CCDC181: variants seen among roughly 807,000 people sequenced by gnomAD.
CCDC181 encodes the protein coiled-coil domain containing 181, also known as coiled-coil domain-containing protein 181.
Under a neutral mutation model 58.7 loss-of-function variants are expected in CCDC181, and 35 were observed. The observed-to-expected ratio is 0.60, with a 90% CI of 0.46 to 0.79. The LOEUF (loss-of-function observed/expected upper bound fraction) is 0.79. CCDC181 is among the 30% of genes least tolerant of loss of function. CCDC181 has a pLI of 0.00. For missense variants in CCDC181, 517 were observed against 583.9 expected (o/e 0.89, Z 1.18); for synonymous variants, 183 against 197.5 (o/e 0.93, Z 0.62).
At chr1:169,423,063 T>TTATA (rs146513568) in intron 2 of CCDC181, among the ~76,000 whole-genome samples, 22 of 34,482 alleles carry the variant, frequency 6.4e-4, no homozygotes, top group Non-Finnish European at 1.4e-3. Context: ...TATAAATATT[T>TTATA]TATATATATA....
chr1:169,409,120 G>T (rs1469375809), intron 4 of CCDC181, among the ~76,000 whole-genome samples: 1 of 152,198 alleles, frequency 6.6e-6, no homozygotes, highest in Non-Finnish European at 1.5e-5. Context: ...CTAACACAAT[G>T]CAAGGAAGCT....
chr1:169,457,824 C>T (rs1458875812), intron 2 of CCDC181, among the ~76,000 whole-genome samples: 1 of 152,078 alleles, frequency 6.6e-6, no homozygotes, highest in Non-Finnish European at 1.5e-5. Context: ...AAGTCAACAA[C>T]ACAAGTACCA....
chr1:169,428,925 T>C (rs1557874547), upstream of CCDC181, among the ~76,000 whole-genome samples: 1 of 152,150 alleles, frequency 6.6e-6, no homozygotes, highest in Non-Finnish European at 1.5e-5. Context: ...AACCAATATG[T>C]AGTTTTTTTA....
chr1:169,428,995 C>T (rs913820632), upstream of CCDC181, among the ~76,000 whole-genome samples: 16 of 152,154 alleles, frequency 1.1e-4, no homozygotes, highest in Admixed American at 9.2e-4. Context: ...ATCATCTTTA[C>T]GCCTTTGCAT....
chr1:169,444,800 C>T (rs1216138450), intron 2 of CCDC181, among the ~76,000 whole-genome samples: 1 of 152,076 alleles, frequency 6.6e-6, no homozygotes, highest in African/African-American at 2.4e-5. Context: ...TTGGCATTAG[C>T]AAATAATGAG....
chr1:169,429,160 T>G (rs1656831898), upstream of CCDC181, among the ~76,000 whole-genome samples: 1 of 152,218 alleles, frequency 6.6e-6, no homozygotes, highest in Non-Finnish European at 1.5e-5. Context: ...CTGAGTAGTA[T>G]TCCATGGTAT....
At chr1:169,410,936 C>T (rs1437498127) in intron 4 of CCDC181, among the ~76,000 whole-genome samples, 1 of 152,098 alleles carries the variant, frequency 6.6e-6, no homozygotes, top group Non-Finnish European at 1.5e-5. Flanking sequence ...CAGGAGAAAG[C>T]GGGAAACATC....
chr1:169,443,751 A>T (rs1657295124), intron 2 of CCDC181, among the ~76,000 whole-genome samples: 1 of 152,206 alleles, frequency 6.6e-6, no homozygotes, highest in Non-Finnish European at 1.5e-5. Flanking sequence ...GTATATAAAT[A>T]GTATTGATGA....
At chr1:169,437,941 G>T (rs771951961) in intron 2 of CCDC181, among the ~76,000 whole-genome samples, 1 of 152,160 alleles carries the variant, frequency 6.6e-6, no homozygotes, top group Non-Finnish European at 1.5e-5. Context: ...GAGACCAAAA[G>T]AAAGTATTTC....
At chr1:169,413,055 A>G (rs1031668142) in intron 4 of CCDC181, among the ~76,000 whole-genome samples, 6 of 152,250 alleles carry the variant, frequency 3.9e-5, no homozygotes, top group Non-Finnish European at 5.9e-5. Context: ...GCTTCTGCAC[A>G]GCAAAAGAAA....
intron 2 of CCDC181, among the ~76,000 whole-genome samples, chr1:169,445,942 G>A (rs1657361549): frequency 6.6e-6 from 1 of 152,034 alleles, no homozygotes; most frequent in Non-Finnish European, 1.5e-5. Context: ...CAATAGTCAT[G>A]ATTCCTCTCT....
At chr1:169,400,681 AT>A (rs1406954165) in intron 4 of CCDC181, among the ~76,000 whole-genome samples, 3 of 152,254 alleles carry the variant, frequency 2.0e-5, no homozygotes, top group Non-Finnish European at 4.4e-5. Flanking sequence ...ATTTAAAAAA[AT>A]AAACTGATAG....
intron 4 of CCDC181, among the ~76,000 whole-genome samples, chr1:169,411,879 CAAAAT>C (rs1357555974): frequency 6.6e-6 from 1 of 152,136 alleles, no homozygotes; most frequent in Non-Finnish European, 1.5e-5. Flanking sequence ...GCACGTATCT[CAAAAT>C]AATAAGAGCT....
At chr1:169,418,127 T>C (rs371780304) in intron 4 of CCDC181, among the ~76,000 whole-genome samples, 1 of 152,222 alleles carries the variant, frequency 6.6e-6, no homozygotes, top group East Asian at 1.9e-4. Context: ...CATTTCACTC[T>C]AAGCCTTCAA....
intron 3 of CCDC181, among the ~76,000 whole-genome samples, chr1:169,419,838 C>T (rs1332349140): frequency 1.3e-5 from 2 of 152,170 alleles, no homozygotes; most frequent in African/African-American, 4.8e-5. Flanking sequence ...AAAGAGAACA[C>T]TGAAATGATG....
chr1:169,457,247 C>T (rs1333079023), intron 2 of CCDC181, among the ~76,000 whole-genome samples: 1 of 152,110 alleles, frequency 6.6e-6, no homozygotes, highest in African/African-American at 2.4e-5. Context: ...TTGGGATACA[C>T]TCTGATTCCT....
chr1:169,442,285 G>A (rs989127610), intron 2 of CCDC181, among the ~76,000 whole-genome samples: 1 of 151,302 alleles, frequency 6.6e-6, no homozygotes, highest in Non-Finnish European at 1.5e-5. Flanking sequence ...TATATATTTG[G>A]AATATATCAG....
chr1:169,429,872 C>T (rs573273015), upstream of CCDC181, among the ~76,000 whole-genome samples: 3 of 152,078 alleles, frequency 2.0e-5, no homozygotes, highest in South Asian at 6.2e-4. Context: ...GTCATGAAGT[C>T]TTTGCCAACG....
At position 169,417,718 on chromosome 1, in the gene CCDC181, G is replaced by T. The variant is rs113217934; in HGVS notation, c.1215+1295C>A. 6.0e-4 allele frequency among the ~76,000 whole-genome samples: 91 copies of T among 152,232 alleles called. 1 individual carries two copies. The South Asian group carries it at 7.3e-3, about 12-fold the overall frequency. On this transcript the variant is annotated intron_variant, in intron 4 of 5. Coordinates refer to ENST00000367806, the MANE Select transcript of CCDC181 (RefSeq NM_001300969.2). Reference sequence around the variant, plus strand: ...CAGCACCTAACCAGGAGCCCACCAAGAGTCATCTTATTAGAACAAAGAGAG... The same window carrying T: ...CAGCACCTAACCAGGAGCCCACCAATAGTCATCTTATTAGAACAAAGAGAG...
Sources: allele counts gnomAD v4.1 joint callset (sites outside exome capture counted in the v4.1 genomes callset), GRCh38; gene constraint gnomAD v4.1.1; transcripts MANE v1.5; gene names NCBI Gene and HGNC (gene_info 2026-07-23, HGNC 2026-07-21).